ABAT: variants seen among roughly 807,000 people sequenced by gnomAD.
The protein encoded by ABAT is 4-aminobutyrate aminotransferase, mitochondrial.
In ABAT, 45 loss-of-function variants were observed where a neutral mutation model predicts 64.6. The ratio of observed to expected loss-of-function variants is 0.70; its 90% CI spans 0.55 to 0.89. ABAT has a LOEUF of 0.89. ABAT is among the 40% of genes least tolerant of loss of function. The probability of loss-of-function intolerance (pLI) is 0.00; values close to 1 mark genes in which losing one functional copy is unlikely to be tolerated. For missense variants in ABAT, 633 were observed against 658.4 expected, an observed-to-expected ratio of 0.96 and a Z score of 0.42; for synonymous variants, 297 against 250.5, an observed-to-expected ratio of 1.19 and a Z score of -1.75.
Position 8,757,737 on chromosome 16 carries a change from C to G in ABAT, c.317-20C>G. On this transcript the variant is annotated intron_variant, in intron 5 of 15. Coordinates refer to ENST00000268251, the MANE Select transcript of ABAT (RefSeq NM_020686.6). ...CCCTTGGATGCAATGAGGTCTCTAACAATACTCTCCTGCCCTCAGGTTACA... is the reference window on the plus strand; with the variant it reads ...CCCTTGGATGCAATGAGGTCTCTAAGAATACTCTCCTGCCCTCAGGTTACA... 6.2e-7 allele frequency: 1 copy of G among 1,613,566 alleles called. No homozygotes were observed. Among genetic ancestry groups the G allele is most frequent in the Non-Finnish European group, 8.5e-7 (1 of 1,179,562 alleles).
intron 5 of ABAT, among the ~76,000 whole-genome samples, chr16:8,755,009 T>C (rs1192744505): frequency 6.6e-6 from 1 of 152,204 alleles, no homozygotes; most frequent in African/African-American, 2.4e-5. Context: ...CTGCTATTCT[T>C]CAAACTCGAG....
intron 1 of ABAT, among the ~76,000 whole-genome samples, chr16:8,720,079 C>G (rs571144507): frequency 3.9e-5 from 6 of 152,192 alleles, no homozygotes; most frequent in Non-Finnish European, 7.4e-5. Context: ...TCCCAAAGTG[C>G]TAGGATTACA....
At chr16:8,714,202 A>G (rs939267752) in intron 1 of ABAT, among the ~76,000 whole-genome samples, 1 of 152,252 alleles carries the variant, frequency 6.6e-6, no homozygotes, top group African/African-American at 2.4e-5. Flanking sequence ...TTGCAACACC[A>G]CAGTCCGCCT....
chr16:8,702,671 T>A (rs1273382), intron 1 of ABAT, among the ~76,000 whole-genome samples: 2 of 151,860 alleles, frequency 1.3e-5, no homozygotes, highest in African/African-American at 4.8e-5. Flanking sequence ...CCCACCAGGC[T>A]CCTCGTCCAA....
intron 1 of ABAT, among the ~76,000 whole-genome samples, chr16:8,707,789 T>G (rs1171797419): frequency 1.3e-5 from 2 of 152,068 alleles, no homozygotes; most frequent in Non-Finnish European, 2.9e-5. Context: ...AGGCTGGTCT[T>G]GAACTCCTCA....
chr16:8,738,424 A>G (rs186375322), intron 2 of ABAT: 358 of 455,810 alleles, frequency 7.9e-4, no homozygotes, highest in African/African-American at 6.1e-3. Context: ...TTTTCCTTTA[A>G]TGTCTTTTTC....
intron 1 of ABAT, among the ~76,000 whole-genome samples, chr16:8,678,637 T>C (rs1049745717): frequency 6.6e-6 from 1 of 152,152 alleles, no homozygotes; most frequent in African/African-American, 2.4e-5. Flanking sequence ...GGTCCAGCAA[T>C]CCCACTTTGA....
At chr16:8,731,402 T>C (rs1311770342) in intron 1 of ABAT, 1 of 152,174 alleles carries the variant, frequency 6.6e-6, no homozygotes, top group Non-Finnish European at 1.5e-5. Flanking sequence ...ATAACAGCCA[T>C]CCTCATCGCT....
chr16:8,708,753 C>A (rs1233808323), intron 1 of ABAT, among the ~76,000 whole-genome samples: 1 of 152,228 alleles, frequency 6.6e-6, no homozygotes, highest in Non-Finnish European at 1.5e-5. Flanking sequence ...GGCTTTGGTT[C>A]AAACTGCAGT....
Position 8,776,671 on chromosome 16 carries a change from C to G in ABAT, c.1269+181C>G, listed in dbSNP as rs2060273869. Among the ~76,000 whole-genome samples the G allele has an allele frequency of 6.6e-6, 1 of 152,194 alleles. No homozygotes were observed. The highest frequency in any genetic ancestry group is 1.5e-5 in the Non-Finnish European group (1 of 68,024). On this transcript the variant is annotated intron_variant, in intron 14 of 15. Coordinates refer to ENST00000268251, the MANE Select transcript of ABAT (RefSeq NM_020686.6). The surrounding 1 kb of genome is among the most constrained non-coding windows in gnomAD (Gnocchi z 4.4). Reference sequence around the variant, plus strand: ...TGTGTCCTCTGCAGGGGATGCCTCCCTATCCCTCCATCCCATTCCAACCCC... The same window carrying G: ...TGTGTCCTCTGCAGGGGATGCCTCCGTATCCCTCCATCCCATTCCAACCCC...
chr16:8,768,347 A>G (rs1031623084), intron 10 of ABAT, 91 bp downstream of exon 10: 2 of 1,297,008 alleles, frequency 1.5e-6, no homozygotes, highest in Non-Finnish European at 2.2e-6. Context: ...CAGTTTACAC[A>G]TATTGTCCCA....
At chr16:8,744,653 C>T (rs1396893386) in intron 2 of ABAT, among the ~76,000 whole-genome samples, 2 of 152,082 alleles carry the variant, frequency 1.3e-5, no homozygotes, top group Non-Finnish European at 2.9e-5. Context: ...TAGGTATGAG[C>T]CACGGTGCCC....
rs182638297 is a variant in ABAT, at chr16:8,742,042, T to C, written c.71-3959T>C. Among the ~76,000 whole-genome samples, 13 of 152,320 alleles carry C rather than the reference T, an allele frequency of 8.5e-5. No individual in the cohort carries two copies. The East Asian group carries it at 2.1e-3, about 25-fold the overall frequency. ...GATAGCGCAGTTGCAAACAAACTTA[T>C]GGAAAACATGATAGGAGCTGATACA... On this transcript the variant is annotated intron_variant, in intron 2 of 15. Transcript: ENST00000268251.
intron 13 of ABAT, 86 bp downstream of exon 13, chr16:8,775,143 G>A (rs560502777): frequency 2.5e-6 from 4 of 1,581,276 alleles, no homozygotes; most frequent in Admixed American, 1.7e-5. Flanking sequence ...CACCATCGAG[G>A]AGCTGGGTGG....
chr16:8,726,534 T>A (rs891778106), intron 1 of ABAT, among the ~76,000 whole-genome samples: 7 of 152,160 alleles, frequency 4.6e-5, no homozygotes, highest in Admixed American at 3.3e-4. Context: ...TGTGAGCCAC[T>A]GCGCTGAATA....
At chr16:8,744,565 G>A (rs768729343) in intron 2 of ABAT, among the ~76,000 whole-genome samples, 16 of 151,670 alleles carry the variant, frequency 1.1e-4, no homozygotes, top group Non-Finnish European at 1.8e-4. Context: ...ACGGGATTTC[G>A]CCATGTTGGC....
chr16:8,676,105 A>G (rs2057194526), intron 1 of ABAT, among the ~76,000 whole-genome samples: 1 of 152,104 alleles, frequency 6.6e-6, no homozygotes, highest in African/African-American at 2.4e-5. Flanking sequence ...AGAGGGAGGC[A>G]GTGAGTTGTG....
intron 12 of ABAT, 111 bp from the exon 13 acceptor site, chr16:8,774,779 C>G: frequency 1.5e-6 from 2 of 1,356,744 alleles, no homozygotes; most frequent in East Asian, 4.6e-5. Context: ...CTTCAGAAAA[C>G]AAGCACGATG....
intron 1 of ABAT, among the ~76,000 whole-genome samples, chr16:8,711,000 G>A (rs528546033): frequency 7.9e-5 from 12 of 152,270 alleles, no homozygotes; most frequent in South Asian, 4.1e-4. Context: ...AGGTTATTCT[G>A]CATGATGGAT....
Sources: allele counts gnomAD v4.1 joint callset (sites outside exome capture counted in the v4.1 genomes callset), GRCh38; gene constraint gnomAD v4.1.1; non-coding constraint Gnocchi (gnomAD v3.1); transcripts MANE v1.5; gene names NCBI Gene and HGNC (gene_info 2026-07-23, HGNC 2026-07-21).